Variants in BARX2 observed in about 807,000 individuals in gnomAD.
BARX2 encodes BARX homeobox 2, also known as homeobox protein BarH-like 2.
In BARX2, 11 loss-of-function variants were observed where a neutral mutation model predicts 25.5. That is an observed-to-expected ratio of 0.43 (90% confidence interval 0.27 to 0.71). The LOEUF (loss-of-function observed/expected upper bound fraction) is 0.71. Among genes scored for constraint, BARX2 ranks in the 30% least tolerant of loss-of-function variants. The pLI is 0.19. For missense variants in BARX2, 360 were observed against 359.9 expected, an observed-to-expected ratio of 1.00 and a Z score of 0.00; for synonymous variants, 137 against 149.5, an observed-to-expected ratio of 0.92 and a Z score of 0.61.
In BARX2 at chr11:129,442,939, C is replaced by A; in HGVS notation, c.573+20C>A. 1 of 1,596,966 alleles carries A rather than the reference C, an allele frequency of 6.3e-7. No homozygotes were observed. Among genetic ancestry groups the A allele is most frequent in the Non-Finnish European group, 8.6e-7 (1 of 1,164,670 alleles). ...AAAATGGTAAGAAAGGAGTGACTAA[C>A]CATGATCCCTTCCTGATGGGAAGGA... is the stretch of plus-strand genomic sequence containing the variant. On this transcript the variant is annotated intron_variant, in intron 3 of 3. Transcript: ENST00000281437.
chr11:129,396,166 C>T (rs943837815), intron 1 of BARX2, among the ~76,000 whole-genome samples: 1 of 152,156 alleles, frequency 6.6e-6, no homozygotes, highest in African/African-American at 2.4e-5. Context: ...GTTCCTTCAT[C>T]TTGGGGCCCC....
At chr11:129,449,294 C>T (rs1194361621) in intron 3 of BARX2, among the ~76,000 whole-genome samples, 3 of 152,132 alleles carry the variant, frequency 2.0e-5, no homozygotes, top group African/African-American at 4.8e-5. Flanking sequence ...GAAAGAGGAA[C>T]AGTCAGTAAA....
intron 1 of BARX2, among the ~76,000 whole-genome samples, chr11:129,422,845 A>T (rs752684854): frequency 1.3e-5 from 2 of 151,874 alleles, no homozygotes; most frequent in South Asian, 4.2e-4. Context: ...TAGGCATTAC[A>T]GGTGCCCATC....
At chr11:129,443,225 C>A (rs1412297668) in intron 3 of BARX2, among the ~76,000 whole-genome samples, 2 of 151,980 alleles carry the variant, frequency 1.3e-5, no homozygotes, top group African/African-American at 4.8e-5. Flanking sequence ...GCAGAACATG[C>A]AGTTTTGTTA....
intron 1 of BARX2, among the ~76,000 whole-genome samples, chr11:129,382,368 G>A (rs1039632067): frequency 5.3e-5 from 8 of 152,122 alleles, no homozygotes; most frequent in African/African-American, 7.2e-5. Flanking sequence ...TAGTAGAGAC[G>A]GGGTTTCACC....
rs1177668282 is a variant in BARX2, at chr11:129,437,621, T to C, written c.488+570T>C. On this transcript the variant is annotated intron_variant, in intron 2 of 3. Transcript: ENST00000281437. The stretch of plus-strand genomic sequence containing the variant: ...GAGGACCTGGCTGAGAGCCCCTTCT[T>C]TGAACCCCTCTGAGATCCATGTTGG... The C allele has an allele frequency of 1.5e-5, 8 of 548,870 alleles. No homozygotes were observed. In the South Asian group the frequency reaches 4.8e-4, roughly 33 times the overall value. The allele number at this position is 548,870 out of a possible 1,614,324, so 34.0% of individuals were successfully genotyped here.
Position 129,410,771 on chromosome 11 carries a change from G to A in BARX2, c.188-25980G>A, listed in dbSNP as rs185452598. 3.4e-3 allele frequency among the ~76,000 whole-genome samples: 523 copies of A among 152,186 alleles called. 2 individuals are homozygous for A. Among genetic ancestry groups the A allele is most frequent in the South Asian group, 5.4e-3 (26 of 4,812 alleles). ...GGGTGAAGATACATGTCTGCTTCTG[G>A]GATTGAGAGGGTTGAGTCACAGCAG... On this transcript the variant is annotated intron_variant, in intron 1 of 3. Transcript: ENST00000281437.
At chr11:129,415,750 C>T (rs1861937384) in intron 1 of BARX2, among the ~76,000 whole-genome samples, 1 of 152,208 alleles carries the variant, frequency 6.6e-6, no homozygotes, top group South Asian at 2.1e-4. Context: ...TGAACTTTTC[C>T]TCCCTTGCTC....
chr11:129,416,503 G>C (rs1416577839), intron 1 of BARX2, among the ~76,000 whole-genome samples: 1 of 152,204 alleles, frequency 6.6e-6, no homozygotes, highest in Admixed American at 6.5e-5. Flanking sequence ...GATGCCCAAA[G>C]AATCTTGACA....
At chr11:129,413,918 T>G (rs1007764136) in intron 1 of BARX2, among the ~76,000 whole-genome samples, 1 of 151,634 alleles carries the variant, frequency 6.6e-6, no homozygotes, top group Non-Finnish European at 1.5e-5. Context: ...AAACAAAAAT[T>G]AGCCGGGCGT....
chr11:129,428,391 T>C (rs1862091358), intron 1 of BARX2, among the ~76,000 whole-genome samples: 1 of 152,230 alleles, frequency 6.6e-6, no homozygotes, highest in Admixed American at 6.5e-5. Flanking sequence ...TGTCTCCTAA[T>C]GTATGCATTA....
chr11:129,395,660 C>G (rs1982887), intron 1 of BARX2, among the ~76,000 whole-genome samples: 38,757 of 152,112 alleles, frequency 0.25, 6,614 homozygotes, highest in African/African-American at 0.48. Context: ...ATCCACTCCT[C>G]TCATCTCTCA....
Position 129,451,491 on chromosome 11 carries a change from C to T in BARX2, c.*89C>T, listed in dbSNP as rs558562944. 14 of 1,442,268 alleles carry T rather than the reference C, an allele frequency of 9.7e-6. No homozygotes were observed. In the South Asian group the frequency reaches 1.4e-4, roughly 14 times the overall value. 89.3% of individuals were successfully genotyped at this position (1,442,268 alleles called of 1,614,324 possible). On this transcript the variant is annotated 3_prime_UTR_variant, in exon 4 of 4. Coordinates refer to ENST00000281437, the MANE Select transcript of BARX2 (RefSeq NM_003658.5). ...GTAGGGAGAGAAAACCTTCCAGCAG[C>T]CCAGTAAACTGCGGGCGAAGAGATC...
chr11:129,376,027 C>A lies in BARX2; in HGVS notation c.-9C>A, dbSNP rs761421281. On this transcript the variant is annotated 5_prime_UTR_variant, in exon 1 of 4. Coordinates refer to ENST00000281437, the MANE Select transcript of BARX2 (RefSeq NM_003658.5). The surrounding 1 kb of genome is among the most constrained non-coding windows in gnomAD (Gnocchi z 4.2). ...CGCTCGGGCCGGCGGACGCTCGCGC[C>A]GGCTCACCATGCACTGCCACGCCGA... 7.4e-6 allele frequency: 11 copies of A among 1,494,538 alleles called. No individual in the cohort carries two copies. The South Asian group carries it at 1.4e-4, about 20-fold the overall frequency. The allele number at this position is 1,494,538 out of a possible 1,614,324, so 92.6% of individuals were successfully genotyped here. A position where few individuals can be genotyped will look rare whatever the true frequency, so the allele number is the denominator to read the frequency against.
At chr11:129,399,885 A>C (rs1344767714) in intron 1 of BARX2, among the ~76,000 whole-genome samples, 1 of 152,090 alleles carries the variant, frequency 6.6e-6, no homozygotes, top group African/African-American at 2.4e-5. Context: ...GTCATGTCTT[A>C]TGGGAAGCTG....
Position 129,436,531 on chromosome 11 carries a change from G to A in BARX2, c.188-220G>A. On this transcript the variant is annotated intron_variant, in intron 1 of 3. Transcript: ENST00000281437. This position sits in a 1 kb window ranked among gnomAD's most constrained non-coding sequence, Gnocchi z 4.5. Reference sequence around the variant, plus strand: ...GAGGACTTGCAGGAACCTCTTCTGGGCCGTGGGCTTCATCTTCCCACACAG... The same window carrying A: ...GAGGACTTGCAGGAACCTCTTCTGGACCGTGGGCTTCATCTTCCCACACAG... The A allele has an allele frequency of 2.2e-6, 1 of 446,806 alleles. No individual in the cohort carries two copies. Among genetic ancestry groups the A allele is most frequent in the East Asian group, 3.3e-5 (1 of 30,064 alleles). The allele number at this position is 446,806 out of a possible 1,614,324, so 27.7% of individuals were successfully genotyped here. A position where few individuals can be genotyped will look rare whatever the true frequency, so the allele number is the denominator to read the frequency against.
chr11:129,441,221 C>G (rs895766878), intron 2 of BARX2, among the ~76,000 whole-genome samples: 3 of 152,160 alleles, frequency 2.0e-5, no homozygotes, highest in Non-Finnish European at 2.9e-5. Flanking sequence ...ACAGGTTCAA[C>G]TTGTGCAGAT....
At chr11:129,432,904 C>T (rs920923495) in intron 1 of BARX2, among the ~76,000 whole-genome samples, 5 of 152,144 alleles carry the variant, frequency 3.3e-5, no homozygotes, top group Admixed American at 6.5e-5. Context: ...TTGGCCGGCT[C>T]GTCTTCCTCT....
rs1862191488 is a variant in BARX2 at position 129,436,627 on chromosome 11, C to G, written c.188-124C>G. The stretch of plus-strand genomic sequence containing the variant: ...TTACCTCTCCTTCCCCTTCCTCCAT[C>G]TGTACCTCCTTAAGAGCAGGGCCCT... On this transcript the variant is annotated intron_variant, in intron 1 of 3. Transcript: ENST00000281437. The surrounding 1 kb of genome is among the most constrained non-coding windows in gnomAD (Gnocchi z 4.5). 18 of 1,080,732 alleles carry G rather than the reference C, an allele frequency of 1.7e-5. No individual in the cohort carries two copies. Among genetic ancestry groups the G allele is most frequent in the South Asian group, 8.6e-5 (5 of 58,088 alleles). The allele number at this position is 1,080,732 out of a possible 1,614,324, so 66.9% of individuals were successfully genotyped here.
Sources: gnomAD v4.1 joint callset for allele counts (sites outside exome capture counted in the v4.1 genomes callset) on GRCh38, gnomAD v4.1.1 for gene constraint, Gnocchi (gnomAD v3.1) non-coding constraint, MANE v1.5 for transcripts, NCBI Gene and HGNC (gene_info 2026-07-23, HGNC 2026-07-21) for gene names.